The following ZBBX variants were observed in gnomAD, a reference collection of about 807,000 sequenced individuals.
The protein encoded by ZBBX is zinc finger B-box domain containing.
Under a neutral mutation model 108.5 loss-of-function variants are expected in ZBBX, and 101 were observed. The ratio of observed to expected loss-of-function variants is 0.93; its 90% CI spans 0.79 to 1.10. ZBBX has a LOEUF of 1.10. Ranked by LOEUF, ZBBX falls within the 50% of genes least tolerant of loss-of-function variation. ZBBX has a pLI of 0.00. For missense variants in ZBBX, 1,009 were observed against 941.4 expected, an observed-to-expected ratio of 1.07 and a Z score of -0.94; for synonymous variants, 356 against 323.4, an observed-to-expected ratio of 1.10 and a Z score of -1.08.
chr3:167,293,816 C>T (rs892534224), intron 18 of ZBBX, among the ~76,000 whole-genome samples: 2 of 152,122 alleles, frequency 1.3e-5, no homozygotes, highest in East Asian at 3.9e-4. Context: ...CAGCCCAAAC[C>T]TCCTTAAGCT....
chr3:167,261,794 A>T (rs1724587256), intron 20 of ZBBX, among the ~76,000 whole-genome samples: 1 of 151,526 alleles, frequency 6.6e-6, no homozygotes, highest in South Asian at 2.1e-4. Context: ...AAAAAAAAAA[A>T]AAAAAGTGGG....
At chr3:167,404,819 T>C (rs777511117) in intron 1 of ZBBX, among the ~76,000 whole-genome samples, 2 of 152,140 alleles carry the variant, frequency 1.3e-5, no homozygotes, top group African/African-American at 2.4e-5. Flanking sequence ...CAAAAAGATA[T>C]TGAAGAATGG....
At chr3:167,182,335 G>A in the ZBBX span, among the ~76,000 whole-genome samples, 1 of 152,154 alleles carries the variant, frequency 6.6e-6, no homozygotes, top group Non-Finnish European at 1.5e-5. Context: ...CCTGGCACTT[G>A]GGATTAGCAT....
chr3:167,248,518 C>T (rs563347987), intron 20 of ZBBX: 3 of 359,518 alleles, frequency 8.3e-6, no homozygotes, highest in Non-Finnish European at 1.7e-5. Context: ...GGGAAGTTAA[C>T]AGAGTAATGG....
At chr3:167,218,284 T>C in the ZBBX span, among the ~76,000 whole-genome samples, 1 of 152,054 alleles carries the variant, frequency 6.6e-6, no homozygotes, top group African/African-American at 2.4e-5. Context: ...CATCTGAAAG[T>C]GAAAACTCAC....
intron 8 of ZBBX, among the ~76,000 whole-genome samples, chr3:167,358,201 T>G (rs1475684318): frequency 6.6e-6 from 1 of 151,520 alleles, no homozygotes; most frequent in African/African-American, 2.4e-5. Flanking sequence ...AATAAAAAAA[T>G]AATAAAAAAA....
At chr3:167,315,689 T>G (rs1426988665) in intron 15 of ZBBX, 61 bp downstream of exon 15, 1 of 1,161,828 alleles carries the variant, frequency 8.6e-7, no homozygotes, top group African/African-American at 1.5e-5. Flanking sequence ...AGACAGATGA[T>G]TTTGTGTGTG....
chr3:167,203,163 A>C, the ZBBX span, among the ~76,000 whole-genome samples: 1 of 152,108 alleles, frequency 6.6e-6, no homozygotes, highest in Non-Finnish European at 1.5e-5. Flanking sequence ...AAGTGTTGGC[A>C]GGCCTTGTTT....
chr3:167,229,373 T>A, the ZBBX span, among the ~76,000 whole-genome samples: 1 of 151,850 alleles, frequency 6.6e-6, no homozygotes, highest in South Asian at 2.1e-4. Flanking sequence ...ATTAGTGCAA[T>A]TATTTTTGTC....
chr3:167,366,761 A>T (rs1259444681), intron 5 of ZBBX: 1 of 446,854 alleles, frequency 2.2e-6, no homozygotes, highest in East Asian at 7.0e-5. Context: ...AAAAGCTTCC[A>T]CAGCTAAGAA....
At chr3:167,258,028 G>A (rs1723829933) in intron 20 of ZBBX, among the ~76,000 whole-genome samples, 1 of 151,992 alleles carries the variant, frequency 6.6e-6, no homozygotes, top group Admixed American at 6.6e-5. Flanking sequence ...ATTTATCTTT[G>A]TTTTTATTGC....
intron 8 of ZBBX, among the ~76,000 whole-genome samples, chr3:167,359,595 T>C (rs980421016): frequency 2.0e-5 from 3 of 152,126 alleles, no homozygotes; most frequent in Non-Finnish European, 4.4e-5. Context: ...AACATGTTTG[T>C]GTGCTAATAG....
chr3:167,235,892 A>G (rs1720214868), downstream of ZBBX, among the ~76,000 whole-genome samples: 1 of 151,716 alleles, frequency 6.6e-6, no homozygotes, highest in East Asian at 1.9e-4. Context: ...ACAAAGAATT[A>G]TGTCTTTAGG....
chr3:167,231,538 T>G, the ZBBX span, among the ~76,000 whole-genome samples: 5 of 151,764 alleles, frequency 3.3e-5, no homozygotes, highest in Admixed American at 6.6e-5. Context: ...ATGGGTCAAA[T>G]AGAATACAGC....
At chr3:167,404,726 C>G (rs932894444) in intron 1 of ZBBX, among the ~76,000 whole-genome samples, 1 of 152,168 alleles carries the variant, frequency 6.6e-6, no homozygotes, top group Non-Finnish European at 1.5e-5. Flanking sequence ...TTCAGCATTC[C>G]TCTGTCAATA....
At chr3:167,373,542 A>C (rs192057573) in intron 3 of ZBBX, among the ~76,000 whole-genome samples, 164 bp downstream of exon 3, 1 of 152,166 alleles carries the variant, frequency 6.6e-6, no homozygotes, top group South Asian at 2.1e-4. Flanking sequence ...ATTTCCCCCA[A>C]ATTTTACTAT....
intron 9 of ZBBX, among the ~76,000 whole-genome samples, chr3:167,336,452 G>A (rs1449039625): frequency 1.3e-5 from 2 of 152,096 alleles, no homozygotes; most frequent in Non-Finnish European, 2.9e-5. Context: ...TTGTAAGGCT[G>A]TGTATGTATA....
chr3:167,373,400 A>G (rs1011099029), intron 3 of ZBBX, among the ~76,000 whole-genome samples: 1 of 152,150 alleles, frequency 6.6e-6, no homozygotes, highest in Non-Finnish European at 1.5e-5. Flanking sequence ...GTAACTATTT[A>G]TGTGCTAATA....
the ZBBX span, among the ~76,000 whole-genome samples, chr3:167,211,590 G>A: frequency 1.3e-5 from 2 of 152,110 alleles, no homozygotes; most frequent in African/African-American, 4.8e-5. Flanking sequence ...CCAGGGGGAG[G>A]GAAAGGCTGC....
Sources: allele counts gnomAD v4.1 joint callset (sites outside exome capture counted in the v4.1 genomes callset), GRCh38; gene constraint gnomAD v4.1.1; transcripts MANE v1.5; gene names NCBI Gene and HGNC (gene_info 2026-07-23, HGNC 2026-07-21).